The following TMEM178A variants were observed in gnomAD, a reference collection of about 807,000 sequenced individuals.
TMEM178A encodes the protein transmembrane protein 178.
TMEM178A carries 12 observed loss-of-function variants against 29.1 expected under a neutral mutation model. The ratio of observed to expected loss-of-function variants is 0.41; its 90% CI spans 0.26 to 0.67. TMEM178A has a LOEUF of 0.67. Ranked by LOEUF, TMEM178A falls within the 30% of genes least tolerant of loss-of-function variation. The pLI, the probability that TMEM178A is intolerant of heterozygous loss-of-function variation, is 0.29. For synonymous variants in TMEM178A, 210 were observed against 187.2 expected, an observed-to-expected ratio of 1.12 and a Z score of -0.99; for missense variants, 366 against 419.1, an observed-to-expected ratio of 0.87 and a Z score of 1.11.
At chr2:39,713,123 T>C (rs1461572863) in intron 3 of TMEM178A, among the ~76,000 whole-genome samples, 1 of 151,640 alleles carries the variant, frequency 6.6e-6, no homozygotes, top group East Asian at 1.9e-4. Flanking sequence ...CGGAGGAGAG[T>C]AGAGTGGAGA....
At position 39,665,970 on chromosome 2, in the gene TMEM178A, A is replaced by G. The variant is rs760234436; in HGVS notation, c.-5A>G. The G allele has an allele frequency of 1.5e-6, 2 of 1,344,760 alleles. No homozygotes were observed. The highest frequency in any genetic ancestry group is 6.1e-5 in the East Asian group (2 of 32,524). The allele number at this position is 1,344,760 out of a possible 1,614,324, so 83.3% of individuals were successfully genotyped here. On this transcript the variant is annotated 5_prime_UTR_variant, in exon 1 of 4. Transcript: ENST00000281961. Reference sequence around the variant, plus strand: ...CCACCGGCGGCTGCGGCGGGGCGGGAAGCCATGGAGCCGCGGGCGCTCGTC... The same window carrying G: ...CCACCGGCGGCTGCGGCGGGGCGGGGAGCCATGGAGCCGCGGGCGCTCGTC...
chr2:39,686,399 A>T (rs1166344855), intron 1 of TMEM178A, among the ~76,000 whole-genome samples: 4 of 151,996 alleles, frequency 2.6e-5, no homozygotes, highest in African/African-American at 4.8e-5. Flanking sequence ...ATGTCTTCAG[A>T]ATTCTCTTAA....
At chr2:39,692,587 A>T (rs61166026) in intron 1 of TMEM178A, among the ~76,000 whole-genome samples, 1,631 of 152,260 alleles carry the variant, frequency 0.011, 37 homozygotes, top group African/African-American at 0.037. Context: ...TGAAATTACA[A>T]GTACTATGAT....
At chr2:39,710,603 A>T (rs1332325118) in intron 3 of TMEM178A, among the ~76,000 whole-genome samples, 1 of 152,188 alleles carries the variant, frequency 6.6e-6, no homozygotes, top group African/African-American at 2.4e-5. Context: ...TAATGCCTTG[A>T]AATTTCCTTT....
rs62137317 is a variant in TMEM178A at position 39,708,130 on chromosome 2, C to T, written c.652+944C>T. On this transcript the variant is annotated intron_variant, in intron 3 of 3. Coordinates refer to ENST00000281961, the MANE Select transcript of TMEM178A (RefSeq NM_152390.3). ...GAAAAGAAACAGGGTGAAACAGGGA[C>T]TCAGGGAAGATCTTGCTGAGGTGGC... Among the ~76,000 whole-genome samples, 793 of 152,262 alleles carry T rather than the reference C, an allele frequency of 5.2e-3. 2 individuals carry two copies. Among genetic ancestry groups the T allele is most frequent in the Non-Finnish European group, 9.1e-3 (620 of 68,020 alleles).
At chr2:39,726,339 G>A in the TMEM178A span, among the ~76,000 whole-genome samples, 1 of 152,200 alleles carries the variant, frequency 6.6e-6, no homozygotes, top group Non-Finnish European at 1.5e-5. Flanking sequence ...GAATGTCCAG[G>A]AAGGGTAGAT....
intron 1 of TMEM178A, among the ~76,000 whole-genome samples, chr2:39,683,596 T>C (rs1670957054): frequency 6.6e-6 from 1 of 152,216 alleles, no homozygotes; most frequent in African/African-American, 2.4e-5. Context: ...ATTGGGTATT[T>C]GTAGTTCCTG....
At chr2:39,733,123 G>C in the TMEM178A span, among the ~76,000 whole-genome samples, 1 of 152,070 alleles carries the variant, frequency 6.6e-6, no homozygotes, top group Admixed American at 6.6e-5. Context: ...GTAAGTTACC[G>C]GATGGTTTGT....
chr2:39,733,821 G>A, the TMEM178A span, among the ~76,000 whole-genome samples: 1 of 152,104 alleles, frequency 6.6e-6, no homozygotes, highest in South Asian at 2.1e-4. Flanking sequence ...TAGCTGAAAT[G>A]TCTGTATGCT....
the TMEM178A span, among the ~76,000 whole-genome samples, chr2:39,727,264 G>A: frequency 6.6e-6 from 1 of 152,142 alleles, no homozygotes; most frequent in Non-Finnish European, 1.5e-5. Flanking sequence ...AGCATTCCCA[G>A]AACCTGACAT....
chr2:39,693,981 T>A (rs1572672750), intron 1 of TMEM178A, among the ~76,000 whole-genome samples: 1 of 150,700 alleles, frequency 6.6e-6, no homozygotes. Context: ...TTTTTTTTTT[T>A]AACTTCTGTG....
At chr2:39,666,861 G>C (rs536073062) in intron 1 of TMEM178A, among the ~76,000 whole-genome samples, 2 of 152,384 alleles carry the variant, frequency 1.3e-5, no homozygotes, top group African/African-American at 4.8e-5. Flanking sequence ...CCTCCGAAGA[G>C]AGGGAAGGGG....
chr2:39,710,737 T>C (rs1041858994), intron 3 of TMEM178A, among the ~76,000 whole-genome samples: 1 of 152,208 alleles, frequency 6.6e-6, no homozygotes, highest in Admixed American at 6.5e-5. Context: ...AAGCAGAATG[T>C]CTTTAGCCAC....
chr2:39,699,410 T>A (rs1572679962), intron 1 of TMEM178A, among the ~76,000 whole-genome samples: 1 of 152,134 alleles, frequency 6.6e-6, no homozygotes, highest in East Asian at 1.9e-4. Flanking sequence ...CTCTTCTTTT[T>A]CTAGTTTTTT....
At chr2:39,697,259 T>C (rs1417274114) in intron 1 of TMEM178A, among the ~76,000 whole-genome samples, 1 of 152,238 alleles carries the variant, frequency 6.6e-6, no homozygotes, top group Non-Finnish European at 1.5e-5. Context: ...AAGATTTTTG[T>C]GGTTTCATTT....
intron 1 of TMEM178A, among the ~76,000 whole-genome samples, chr2:39,688,067 G>A (rs1010636603): frequency 6.6e-6 from 1 of 152,248 alleles, no homozygotes; most frequent in African/African-American, 2.4e-5. Context: ...CTGGCATATA[G>A]CATACTTTTA....
At chr2:39,671,199 TTGGTAGGAATTCA>T (rs1670394705) in intron 1 of TMEM178A, among the ~76,000 whole-genome samples, 1 of 152,166 alleles carries the variant, frequency 6.6e-6, no homozygotes, top group Admixed American at 6.5e-5. Flanking sequence ...AGTAAGAGAT[TTGGTAGGAATTCA>T]TTGGGTCTGC....
the TMEM178A span, among the ~76,000 whole-genome samples, chr2:39,734,299 A>C: frequency 1.3e-5 from 2 of 152,010 alleles, no homozygotes; most frequent in South Asian, 4.1e-4. Context: ...AGGGTTAAAT[A>C]CTCCTCCTCT....
intron 2 of TMEM178A, among the ~76,000 whole-genome samples, chr2:39,704,562 A>T (rs772909416): frequency 6.6e-5 from 10 of 152,126 alleles, no homozygotes; most frequent in Non-Finnish European, 1.5e-4. Context: ...TTGTATATAC[A>T]ATATTTATTT....
Sources: gnomAD v4.1 joint callset for allele counts (sites outside exome capture counted in the v4.1 genomes callset) on GRCh38, gnomAD v4.1.1 for gene constraint, MANE v1.5 for transcripts, NCBI Gene and HGNC (gene_info 2026-07-23, HGNC 2026-07-21) for gene names.